The following C3orf20 variants were observed in gnomAD, a reference collection of about 807,000 sequenced individuals.
The protein encoded by C3orf20 is family with sequence similarity 149 member C.
In C3orf20, 76 loss-of-function variants were observed where a neutral mutation model predicts 88.3. The ratio of observed to expected loss-of-function variants is 0.86; its 90% confidence interval spans 0.72 to 1.04. C3orf20 has a LOEUF of 1.04. C3orf20 is among the 50% of genes least tolerant of loss of function. The pLI is 0.00. For missense variants in C3orf20, 1,056 were observed against 1,123.3 expected (o/e 0.94, Z 0.86); for synonymous variants, 436 against 437.4 (o/e 1.00, Z 0.04).
Position 14,702,440 on chromosome 3 carries a change from C to CT in C3orf20, c.746-672dup, listed in dbSNP as rs34341509. On this transcript the variant is annotated intron_variant, in intron 5 of 16. Transcript: ENST00000253697. ...CTCCAAATCTCATGTCCTCACATAT[C>CT]TTTTTTTTTTTTTTTTTTGAGTTGG... Among the ~76,000 whole-genome samples the CT allele has an allele frequency of 5.6e-3, 658 of 116,542 alleles. 10 individuals are homozygous for CT. The highest frequency in any genetic ancestry group is 0.017 in the African/African-American group (541 of 30,924). 76.5% of individuals were successfully genotyped at this position (116,542 alleles called of 152,430 possible).
At chr3:14,741,387 T>C (rs2034893692) in intron 12 of C3orf20, among the ~76,000 whole-genome samples, 1 of 152,206 alleles carries the variant, frequency 6.6e-6, no homozygotes, top group Non-Finnish European at 1.5e-5. Flanking sequence ...ACTTTCAAAA[T>C]CAACACTTGC....
At chr3:14,769,189 G>C (rs2035797212) in intron 15 of C3orf20, among the ~76,000 whole-genome samples, 1 of 152,054 alleles carries the variant, frequency 6.6e-6, no homozygotes, top group African/African-American at 2.4e-5. Context: ...GAGGCAGAGG[G>C]GACGGTGGAG....
chr3:14,680,736 A>AT (rs1258711659), intron 1 of C3orf20, among the ~76,000 whole-genome samples: 1 of 152,174 alleles, frequency 6.6e-6, no homozygotes, highest in African/African-American at 2.4e-5. Flanking sequence ...GGCAGGGGGG[A>AT]TAAGTTTCCC....
Position 14,726,805 on chromosome 3 carries a change from A to G in C3orf20, c.1567-96A>G. On this transcript the variant is annotated intron_variant, in intron 10 of 16. Transcript: ENST00000253697. Reference sequence around the variant, plus strand: ...GGGGTAGGGGGGCAGGCAATAGCACATCCTCTGAACCGGAGCAAGTCTTAG... The same window carrying G: ...GGGGTAGGGGGGCAGGCAATAGCACGTCCTCTGAACCGGAGCAAGTCTTAG... The G allele has an allele frequency of 1.9e-6, 3 of 1,555,940 alleles. No homozygotes were observed. The African/African-American group carries it at 4.1e-5, about 21-fold the overall frequency.
intron 5 of C3orf20, among the ~76,000 whole-genome samples, chr3:14,694,176 G>A (rs527274969): frequency 8.5e-5 from 13 of 152,078 alleles, no homozygotes; most frequent in Non-Finnish European, 5.9e-5. Context: ...GTCTTTGTCT[G>A]GTTTTGGTAT....
At chr3:14,681,225 G>A (rs571276136) in intron 1 of C3orf20, among the ~76,000 whole-genome samples, 13 of 152,334 alleles carry the variant, frequency 8.5e-5, no homozygotes, top group South Asian at 8.3e-4. Context: ...GTGGGCACAC[G>A]AGCTCGTGGC....
intron 12 of C3orf20, among the ~76,000 whole-genome samples, chr3:14,743,091 C>A (rs933796522): frequency 6.6e-6 from 1 of 151,932 alleles, no homozygotes; most frequent in Non-Finnish European, 1.5e-5. Flanking sequence ...AGTCTTAACT[C>A]ATTTCAGCAT....
At chr3:14,708,569 TA>T (rs905520006) in intron 7 of C3orf20, among the ~76,000 whole-genome samples, 4 of 151,798 alleles carry the variant, frequency 2.6e-5, no homozygotes, top group African/African-American at 9.7e-5. Flanking sequence ...AAAAAGGCAA[TA>T]AGATTTTGAT....
rs368965758 is a variant in C3orf20 at position 14,701,989 on chromosome 3, C to T, written c.746-1141C>T. ...ACATTTAAAGGATGCTGCTCTCCTGCTCTTCTTGGCCCCGTGTCCCCTGGT... is the reference window on the plus strand; with the variant it reads ...ACATTTAAAGGATGCTGCTCTCCTGTTCTTCTTGGCCCCGTGTCCCCTGGT... On this transcript the variant is annotated intron_variant, in intron 5 of 16. Coordinates refer to ENST00000253697, the MANE Select transcript of C3orf20 (RefSeq NM_032137.5). The surrounding 1 kb of genome is among the most constrained non-coding windows in gnomAD (Gnocchi z 4.6). Among the ~76,000 whole-genome samples, 11 of 152,288 alleles carry T rather than the reference C, an allele frequency of 7.2e-5. No homozygotes were observed. The East Asian group carries it at 2.1e-3, about 29-fold the overall frequency.
intron 9 of C3orf20, among the ~76,000 whole-genome samples, chr3:14,720,373 A>G (rs540489076): frequency 4.6e-4 from 70 of 152,208 alleles, no homozygotes; most frequent in Non-Finnish European, 8.2e-4. Context: ...AAAGATGTCA[A>G]AAGACTTGGC....
chr3:14,714,990 A>G (rs932119312), intron 8 of C3orf20, among the ~76,000 whole-genome samples: 6 of 152,208 alleles, frequency 3.9e-5, no homozygotes, highest in African/African-American at 1.2e-4. Flanking sequence ...TCCAGTTCCC[A>G]TCTTGGTGCC....
In C3orf20 at chr3:14,703,221, C is replaced by T. The variant is rs2033350191; in HGVS notation, c.837C>T (p.Cys279=). Residue 279 remains cysteine (C), a synonymous_variant, in exon 6 of 17, where the codon TGC becomes TGT. Transcript: ENST00000253697. ...ACAGCCTGGAGTTCAGCGACCCCTG[C>T]CCTGAGGCCCGGGAGAAGCTGCAGG... ...PANSLEFSDP[C]PEAREKLQEL... The T allele has an allele frequency of 6.2e-7, 1 of 1,614,158 alleles. No homozygotes were observed. The highest frequency in any genetic ancestry group is 1.7e-5 in the Admixed American group (1 of 60,032).
intron 12 of C3orf20, among the ~76,000 whole-genome samples, chr3:14,731,067 G>T (rs1248699892): frequency 6.6e-6 from 1 of 152,046 alleles, no homozygotes; most frequent in Non-Finnish European, 1.5e-5. Flanking sequence ...ACACACCACA[G>T]CCAAGATGCA....
intron 1 of C3orf20, among the ~76,000 whole-genome samples, chr3:14,675,917 C>G (rs1671528647): frequency 6.6e-6 from 1 of 152,052 alleles, no homozygotes; most frequent in African/African-American, 2.4e-5. Context: ...GTCTCGAGCT[C>G]CTGACCTCAG....
intron 6 of C3orf20, among the ~76,000 whole-genome samples, chr3:14,703,843 A>G (rs999476230): frequency 1.3e-4 from 20 of 152,136 alleles, no homozygotes; most frequent in African/African-American, 4.6e-4. Flanking sequence ...CTAGCAATTT[A>G]CTCAACATTT....
intron 1 of C3orf20, among the ~76,000 whole-genome samples, chr3:14,678,075 T>G (rs747432225): frequency 2.0e-5 from 3 of 152,136 alleles, no homozygotes; most frequent in Admixed American, 6.5e-5. Flanking sequence ...TCCAGTTCCT[T>G]GCTGTTCCAC....
chr3:14,722,702 GC>G (rs2034209510), intron 10 of C3orf20: 1 of 410,860 alleles, frequency 2.4e-6, no homozygotes, highest in Admixed American at 2.8e-5. Flanking sequence ...TTGTCCCAGG[GC>G]CCAGCATGAG....
At chr3:14,744,817 C>T (rs1332839235) in intron 12 of C3orf20, among the ~76,000 whole-genome samples, 5 of 152,162 alleles carry the variant, frequency 3.3e-5, no homozygotes, top group South Asian at 2.1e-4. Flanking sequence ...GACCAGCCCA[C>T]GTGATTCAAT....
chr3:14,688,796 T>C (rs1383458801), intron 4 of C3orf20, among the ~76,000 whole-genome samples: 1 of 151,484 alleles, frequency 6.6e-6, no homozygotes, highest in African/African-American at 2.4e-5. Context: ...CTCGTGTATG[T>C]ATATATATAT....
Sources: allele counts gnomAD v4.1 joint callset (sites outside exome capture counted in the v4.1 genomes callset), GRCh38; gene constraint gnomAD v4.1.1; non-coding constraint Gnocchi (gnomAD v3.1); transcripts MANE v1.5; gene names NCBI Gene and HGNC (gene_info 2026-07-23, HGNC 2026-07-21).